Variants in DOCK1 observed in about 807,000 individuals in gnomAD.
DOCK1 encodes the protein dedicator of cytokinesis 1.
Under a neutral mutation model 262.7 loss-of-function variants are expected in DOCK1, and 138 were observed. That is an observed-to-expected ratio of 0.53 (90% CI 0.46 to 0.61). The LOEUF is 0.61. Ranked by LOEUF, DOCK1 falls within the 20% of genes least tolerant of loss-of-function variation. The pLI, the probability that DOCK1 is intolerant of heterozygous loss-of-function variation, is 0.00. For synonymous variants in DOCK1, 866 were observed against 867.4 expected, an observed-to-expected ratio of 1.00 and a Z score of 0.03; for missense variants, 1,908 against 2,370.7, an observed-to-expected ratio of 0.80 and a Z score of 4.05.
At chr10:127,339,887 A>G (rs2063358868) in intron 30 of DOCK1, among the ~76,000 whole-genome samples, 1 of 152,148 alleles carries the variant, frequency 6.6e-6, no homozygotes, top group Non-Finnish European at 1.5e-5. Flanking sequence ...AAAGTATACA[A>G]ATTTTTGAAA....
intron 25 of DOCK1, among the ~76,000 whole-genome samples, chr10:127,120,043 G>A (rs988366957): frequency 8.5e-5 from 13 of 152,226 alleles, no homozygotes; most frequent in African/African-American, 2.9e-4. Flanking sequence ...GGGAAGGGCC[G>A]TGAAAGGGTG....
chr10:127,334,999 T>G (rs577427526), intron 29 of DOCK1, among the ~76,000 whole-genome samples: 42 of 152,322 alleles, frequency 2.8e-4, no homozygotes, highest in Admixed American at 2.3e-3. Context: ...AACCAAATAC[T>G]CTAGCCTCCC....
Position 127,451,432 on chromosome 10 carries a change from G to T in DOCK1, c.*5G>T, listed in dbSNP as rs375926396. On this transcript the variant is annotated 3_prime_UTR_variant, in exon 52 of 52. Coordinates refer to ENST00000623213, the MANE Select transcript of DOCK1 (RefSeq NM_001290223.2). ...GACTCCGGGATCGTGCAGTGACGTC[G>T]CAAGCCTCTCTGGAAAGAGTGTGCT... 155 of 1,568,296 alleles carry T rather than the reference G, an allele frequency of 9.9e-5. No homozygotes were observed. The highest frequency in any genetic ancestry group is 1.3e-4 in the Non-Finnish European group (148 of 1,157,070).
intron 42 of DOCK1, 131 bp from the exon 43 acceptor site, chr10:127,410,709 G>A (rs1590940841): frequency 1.2e-5 from 9 of 729,014 alleles, no homozygotes; most frequent in Middle Eastern, 2.4e-4. Context: ...ACACCAAGGC[G>A]ATGGCTTCAG....
At chr10:127,039,933 G>T (rs2043907453) in intron 19 of DOCK1, among the ~76,000 whole-genome samples, 1 of 152,234 alleles carries the variant, frequency 6.6e-6, no homozygotes, top group Non-Finnish European at 1.5e-5. Context: ...TGGGGTGCCA[G>T]ATGAAGCCCT....
At chr10:127,248,986 G>T (rs1191942760) in intron 28 of DOCK1, among the ~76,000 whole-genome samples, 2 of 152,090 alleles carry the variant, frequency 1.3e-5, no homozygotes, top group East Asian at 3.9e-4. Context: ...GATCTGAGGT[G>T]GAACAGTTTC....
chr10:127,017,034 A>ACC (rs1427777978), intron 12 of DOCK1, among the ~76,000 whole-genome samples: 1 of 112,124 alleles, frequency 8.9e-6, no homozygotes, highest in East Asian at 2.6e-4. Context: ...AGATACAGAT[A>ACC]CCACACACAC....
chr10:127,448,070 C>T (rs2070703564), intron 51 of DOCK1, among the ~76,000 whole-genome samples: 1 of 152,170 alleles, frequency 6.6e-6, no homozygotes, highest in Admixed American at 6.5e-5. Flanking sequence ...ACTCACCTTA[C>T]GGAGACTGCA....
At chr10:127,187,494 T>C (rs931560342) in intron 27 of DOCK1, among the ~76,000 whole-genome samples, 1 of 152,178 alleles carries the variant, frequency 6.6e-6, no homozygotes, top group Non-Finnish European at 1.5e-5. Flanking sequence ...AGAGCATAGG[T>C]GTGGATGAAA....
At chr10:127,139,335 T>C (rs932873224) in intron 27 of DOCK1, among the ~76,000 whole-genome samples, 2 of 152,162 alleles carry the variant, frequency 1.3e-5, no homozygotes, top group African/African-American at 4.8e-5. Flanking sequence ...CCATTTCATG[T>C]TTTAAATCCA....
chr10:126,906,432 C>T (rs1326830262), intron 1 of DOCK1, among the ~76,000 whole-genome samples: 1 of 152,216 alleles, frequency 6.6e-6, no homozygotes, highest in African/African-American at 2.4e-5. Context: ...ATCTGCGCGC[C>T]TGGTGTCGGG....
chr10:127,397,182 A>T (rs2066922535), intron 38 of DOCK1, among the ~76,000 whole-genome samples: 1 of 140,388 alleles, frequency 7.1e-6, no homozygotes, highest in South Asian at 2.4e-4. Flanking sequence ...AGCATGAGTT[A>T]CACGGGCAGC....
At chr10:127,056,032 T>G (rs2135771021) in intron 22 of DOCK1, among the ~76,000 whole-genome samples, 1 of 152,080 alleles carries the variant, frequency 6.6e-6, no homozygotes, top group South Asian at 2.1e-4. Flanking sequence ...GTTAGAAGAG[T>G]TGAGACTGTT....
chr10:127,117,516 G>C (rs528315706), intron 25 of DOCK1, among the ~76,000 whole-genome samples: 13 of 152,304 alleles, frequency 8.5e-5, no homozygotes, highest in Non-Finnish European at 1.5e-4. Flanking sequence ...AATGTATAAA[G>C]TATACAGTGT....
intron 27 of DOCK1, among the ~76,000 whole-genome samples, chr10:127,164,797 C>G (rs1444775747): frequency 1.3e-5 from 2 of 152,086 alleles, no homozygotes; most frequent in Non-Finnish European, 2.9e-5. Flanking sequence ...ATATTATAAA[C>G]AGGGCAAAGC....
intron 48 of DOCK1, among the ~76,000 whole-genome samples, chr10:127,433,683 C>T (rs1399315908): frequency 3.3e-5 from 5 of 152,114 alleles, no homozygotes; most frequent in African/African-American, 4.8e-5. Flanking sequence ...TTTAGAACCT[C>T]CAGTGAGTGT....
At chr10:126,931,018 C>T (rs1263201554) in intron 1 of DOCK1, among the ~76,000 whole-genome samples, 7 of 152,200 alleles carry the variant, frequency 4.6e-5, no homozygotes, top group African/African-American at 1.7e-4. Flanking sequence ...AGATTCCCTG[C>T]GTCGAGGATG....
intron 1 of DOCK1, among the ~76,000 whole-genome samples, chr10:126,906,848 C>T (rs534849375): frequency 6.6e-6 from 1 of 152,210 alleles, no homozygotes; most frequent in Admixed American, 6.5e-5. Flanking sequence ...GGACAGTGGT[C>T]ACGGGGACAG....
At chr10:126,926,093 A>T (rs1401643581) in intron 1 of DOCK1, among the ~76,000 whole-genome samples, 1 of 152,110 alleles carries the variant, frequency 6.6e-6, no homozygotes, top group East Asian at 1.9e-4. Flanking sequence ...CTGTGACTGG[A>T]GAAAAGAGTG....
Sources: allele counts gnomAD v4.1 joint callset (sites outside exome capture counted in the v4.1 genomes callset), GRCh38; gene constraint gnomAD v4.1.1; transcripts MANE v1.5; gene names NCBI Gene and HGNC (gene_info 2026-07-23, HGNC 2026-07-21).